ZNF618: variants seen among roughly 807,000 people sequenced by gnomAD.
ZNF618 encodes neural precursor cell expressed, developmentally down-regulated 10.
In ZNF618, 34 loss-of-function variants were observed where a neutral mutation model predicts 103.0. The observed-to-expected ratio is 0.33, with a 90% CI of 0.25 to 0.44. ZNF618 has a LOEUF of 0.44. ZNF618 is among the 20% of genes least tolerant of loss of function. ZNF618 has a pLI of 1.00. For synonymous variants in ZNF618, 551 were observed against 542.2 expected, an observed-to-expected ratio of 1.02 and a Z score of -0.23; for missense variants, 1,059 against 1,295.4, an observed-to-expected ratio of 0.82 and a Z score of 2.80.
chr9:113,943,380 G>T (rs1300758169), intron 1 of ZNF618, among the ~76,000 whole-genome samples: 1 of 152,160 alleles, frequency 6.6e-6, no homozygotes, highest in Non-Finnish European at 1.5e-5. Flanking sequence ...CTGGGCAGCA[G>T]TGACTGCGTG....
chr9:113,964,805 G>A (rs1442971384), intron 1 of ZNF618, among the ~76,000 whole-genome samples: 3 of 121,726 alleles, frequency 2.5e-5, no homozygotes, highest in South Asian at 4.9e-4. Context: ...TTTTGGAACC[G>A]TACCAGTGCA....
At chr9:113,929,011 A>C (rs1293521080) in intron 1 of ZNF618, among the ~76,000 whole-genome samples, 2 of 152,148 alleles carry the variant, frequency 1.3e-5, no homozygotes, top group African/African-American at 4.8e-5. Flanking sequence ...TCTGGAGAAC[A>C]GCACACTCTA....
At chr9:113,891,190 G>C (rs1316622306) in intron 1 of ZNF618, among the ~76,000 whole-genome samples, 11 of 152,136 alleles carry the variant, frequency 7.2e-5, no homozygotes, top group Admixed American at 7.2e-4. Context: ...TCCATATTAA[G>C]AATTTATAGT....
intron 1 of ZNF618, among the ~76,000 whole-genome samples, chr9:113,916,401 G>C (rs191043061): frequency 2.0e-5 from 3 of 152,258 alleles, no homozygotes; most frequent in Admixed American, 2.0e-4. Flanking sequence ...ACAGGTCTCA[G>C]CCAAAAACTT....
At chr9:113,935,192 G>T (rs1259382969) in intron 1 of ZNF618, among the ~76,000 whole-genome samples, 2 of 152,212 alleles carry the variant, frequency 1.3e-5, no homozygotes, top group African/African-American at 4.8e-5. Flanking sequence ...GGAAGGAGAG[G>T]CTCACCATGC....
intron 2 of ZNF618, among the ~76,000 whole-genome samples, chr9:113,978,628 GTTCA>G (rs1335239944): frequency 7.9e-5 from 12 of 152,284 alleles, no homozygotes; most frequent in Non-Finnish European, 1.5e-4. Flanking sequence ...TCATGTATGT[GTTCA>G]TTCATTCAAC....
chr9:113,888,955 G>A (rs2130964603), intron 1 of ZNF618, among the ~76,000 whole-genome samples: 1 of 152,308 alleles, frequency 6.6e-6, no homozygotes, highest in Non-Finnish European at 1.5e-5. Context: ...TCTGATTTAA[G>A]TGCAGGATAG....
chr9:113,991,312 C>T (rs1456332325), intron 3 of ZNF618, among the ~76,000 whole-genome samples: 4 of 152,176 alleles, frequency 2.6e-5, no homozygotes, highest in Non-Finnish European at 5.9e-5. Context: ...ACCTCATGGG[C>T]GTGGCCATCC....
intron 2 of ZNF618, among the ~76,000 whole-genome samples, chr9:113,979,678 GGTCC>G (rs2133093111): frequency 1.3e-5 from 2 of 152,292 alleles, no homozygotes; most frequent in South Asian, 2.1e-4. Flanking sequence ...TCCTGGGCTT[GGTCC>G]TTGGTTCACT....
chr9:113,957,966 G>C (rs556066867), intron 1 of ZNF618, among the ~76,000 whole-genome samples: 1 of 152,118 alleles, frequency 6.6e-6, no homozygotes, highest in Non-Finnish European at 1.5e-5. Context: ...TTTCCCTAGA[G>C]TTTTCTGTAA....
intron 1 of ZNF618, among the ~76,000 whole-genome samples, chr9:113,929,404 A>AT (rs1198361552): frequency 1.3e-5 from 2 of 152,158 alleles, no homozygotes; most frequent in Non-Finnish European, 2.9e-5. Flanking sequence ...AAACTTGTTG[A>AT]TTTTCAGTTT....
chr9:113,936,608 C>T (rs138796070), intron 1 of ZNF618, among the ~76,000 whole-genome samples: 13 of 152,252 alleles, frequency 8.5e-5, no homozygotes, highest in Admixed American at 1.3e-4. Flanking sequence ...CTCTGAAGCT[C>T]GTCTGTGTAC....
At chr9:113,934,943 TGAG>T (rs1370831217) in intron 1 of ZNF618, among the ~76,000 whole-genome samples, 2 of 152,136 alleles carry the variant, frequency 1.3e-5, no homozygotes, top group South Asian at 2.1e-4. Flanking sequence ...CCGTGCAGGA[TGAG>T]GAGGGGCGTG....
chr9:113,993,518 C>T (rs1370714343), intron 3 of ZNF618, among the ~76,000 whole-genome samples: 3 of 152,156 alleles, frequency 2.0e-5, no homozygotes, highest in Non-Finnish European at 2.9e-5. Flanking sequence ...TAAGGATGCC[C>T]GCATCCCATT....
intron 9 of ZNF618, among the ~76,000 whole-genome samples, chr9:114,012,431 T>C (rs531379051): frequency 2.0e-5 from 3 of 152,324 alleles, no homozygotes; most frequent in Admixed American, 6.5e-5. Flanking sequence ...CCTACCCTTA[T>C]GACCTCATCT....
At chr9:113,949,860 C>T (rs1377599265) in intron 1 of ZNF618, among the ~76,000 whole-genome samples, 1 of 152,258 alleles carries the variant, frequency 6.6e-6, no homozygotes, top group Non-Finnish European at 1.5e-5. Context: ...GTCGCGCCAC[C>T]TGGTAGCGCC....
chr9:114,026,694 GA>G (rs1362813574), intron 10 of ZNF618, among the ~76,000 whole-genome samples: 8 of 152,246 alleles, frequency 5.3e-5, no homozygotes, highest in African/African-American at 1.9e-4. Context: ...TCTGTGGCCA[GA>G]ATAAGCCTTT....
At chr9:113,883,381 GGGGACCCCC>G (rs1239598730) in intron 1 of ZNF618, among the ~76,000 whole-genome samples, 7 of 152,164 alleles carry the variant, frequency 4.6e-5, no homozygotes, top group Non-Finnish European at 1.0e-4. Flanking sequence ...AAAGTGGATG[GGGGACCCCC>G]AGATGCCTGA....
chr9:113,980,617 G>A (rs369287397), intron 2 of ZNF618, among the ~76,000 whole-genome samples: 3 of 152,192 alleles, frequency 2.0e-5, no homozygotes, highest in East Asian at 1.9e-4. Flanking sequence ...GATCGCTTAG[G>A]AAATGAGTGT....
Sources: allele counts gnomAD v4.1 joint callset (sites outside exome capture counted in the v4.1 genomes callset), GRCh38; gene constraint gnomAD v4.1.1; transcripts MANE v1.5; gene names NCBI Gene and HGNC (gene_info 2026-07-23, HGNC 2026-07-21).